Variants in NCK2 observed in about 807,000 individuals in gnomAD.
NCK2 encodes NCK adaptor protein 2.
Under a neutral mutation model 33.9 loss-of-function variants are expected in NCK2, and 16 were observed. That is an observed-to-expected ratio of 0.47 (90% confidence interval 0.32 to 0.72). The LOEUF is 0.72. NCK2 is among the 30% of genes least tolerant of loss of function. The pLI, the probability that NCK2 is intolerant of heterozygous loss-of-function variation, is 0.03. For missense variants in NCK2, 418 were observed against 537.3 expected (o/e 0.78, Z 2.19); for synonymous variants, 273 against 239.9 (o/e 1.14, Z -1.27).
At chr2:105,774,897 C>G (rs1490241109) in intron 1 of NCK2, among the ~76,000 whole-genome samples, 1 of 150,160 alleles carries the variant, frequency 6.7e-6, no homozygotes. Flanking sequence ...AAAACGCTTT[C>G]TAAAATCATT....
intron 2 of NCK2, among the ~76,000 whole-genome samples, chr2:105,839,113 CAG>C (rs1175540789): frequency 2.6e-5 from 4 of 152,034 alleles, no homozygotes; most frequent in African/African-American, 9.7e-5. Context: ...AACAAAGTAA[CAG>C]AACAAAGAGT....
intron 4 of NCK2, among the ~76,000 whole-genome samples, chr2:105,886,483 A>G (rs1233339330): frequency 1.3e-5 from 2 of 152,222 alleles, no homozygotes; most frequent in Admixed American, 1.3e-4. Context: ...AGGGCTCTGC[A>G]ACCTTGGTTT....
rs1448162482 is a variant in NCK2, at chr2:105,881,932, C to T, written c.831C>T (p.Ser277=). Residue 277 remains serine, a synonymous_variant, in exon 4 of 5, where the codon AGC becomes AGT. Coordinates refer to ENST00000233154, the MANE Select transcript of NCK2 (RefSeq NM_003581.5). The part of the protein sequence containing the change: ...PQISYTGPSS[S]GRFAGREWYY... ...TAAGCTACACCGGGCCCTCGTCCAG[C>T]GGGCGCTTCGCGGGCAGAGAGTGGT... is the stretch of plus-strand genomic sequence containing the variant. The T allele has an allele frequency of 1.3e-6, 2 of 1,560,236 alleles. No individual in the cohort carries two copies. The highest frequency in any genetic ancestry group is 1.7e-6 in the Non-Finnish European group (2 of 1,154,188).
chr2:105,817,440 A>G (rs1262841528), intron 2 of NCK2, among the ~76,000 whole-genome samples: 2 of 152,196 alleles, frequency 1.3e-5, no homozygotes, highest in African/African-American at 2.4e-5. Flanking sequence ...AGTCCAGTTA[A>G]TCCGGTGTTC....
intron 1 of NCK2, among the ~76,000 whole-genome samples, chr2:105,792,023 T>C (rs1456958356): frequency 6.6e-6 from 1 of 152,096 alleles, no homozygotes; most frequent in African/African-American, 2.4e-5. Flanking sequence ...AAGCTGTTGA[T>C]TGTGTTGTGG....
chr2:105,807,355 A>G (rs1230466688), intron 1 of NCK2, among the ~76,000 whole-genome samples: 2 of 152,232 alleles, frequency 1.3e-5, no homozygotes, highest in African/African-American at 2.4e-5. Flanking sequence ...TTCTGATTTG[A>G]TTAATTCTGG....
At chr2:105,771,001 C>T (rs982229179) in intron 1 of NCK2, among the ~76,000 whole-genome samples, 6 of 152,130 alleles carry the variant, frequency 3.9e-5, no homozygotes, top group African/African-American at 1.2e-4. Context: ...CAGCTCACTG[C>T]AAGCTCTGCC....
chr2:105,756,776 A>G (rs899097030), intron 1 of NCK2, among the ~76,000 whole-genome samples: 6 of 152,290 alleles, frequency 3.9e-5, no homozygotes, highest in Middle Eastern at 3.4e-3. Flanking sequence ...TTCCATTACA[A>G]TGGGAGCTGG....
intron 2 of NCK2, among the ~76,000 whole-genome samples, chr2:105,828,312 T>C (rs899560741): frequency 1.3e-5 from 2 of 152,214 alleles, no homozygotes; most frequent in African/African-American, 4.8e-5. Context: ...CCCTGTTCCC[T>C]GCTTTGGAAC....
At chr2:105,802,094 G>C (rs894341369) in intron 1 of NCK2, among the ~76,000 whole-genome samples, 1 of 152,208 alleles carries the variant, frequency 6.6e-6, no homozygotes, top group African/African-American at 2.4e-5. Flanking sequence ...CTGGAAACCT[G>C]CTTATCAGAT....
intron 1 of NCK2, among the ~76,000 whole-genome samples, chr2:105,786,761 C>T (rs537700267): frequency 2.3e-4 from 35 of 152,192 alleles, no homozygotes; most frequent in Non-Finnish European, 4.6e-4. Context: ...CTACTCTCTC[C>T]TCCCTTCTGC....
At chr2:105,826,445 T>C (rs1401718646) in intron 2 of NCK2, among the ~76,000 whole-genome samples, 1 of 152,112 alleles carries the variant, frequency 6.6e-6, no homozygotes, top group Non-Finnish European at 1.5e-5. Context: ...GTAGTTTGCT[T>C]GTAGTGTGGA....
chr2:105,758,413 G>GTTTTT (rs574939583), intron 1 of NCK2, among the ~76,000 whole-genome samples: 2 of 132,530 alleles, frequency 1.5e-5, no homozygotes, highest in Non-Finnish European at 3.2e-5. Context: ...TGTTGTTTTT[G>GTTTTT]TTTTTTTTTT....
intron 3 of NCK2, among the ~76,000 whole-genome samples, chr2:105,880,755 T>A (rs1247817945): frequency 6.6e-6 from 1 of 152,156 alleles, no homozygotes. Context: ...ACTCTTGTTA[T>A]CTTTTGTGTC....
intron 1 of NCK2, among the ~76,000 whole-genome samples, chr2:105,787,469 G>A (rs2104416686): frequency 6.6e-6 from 1 of 152,296 alleles, no homozygotes; most frequent in Admixed American, 6.5e-5. Context: ...TGCCACCTGA[G>A]GACATAGCGA....
intron 2 of NCK2, among the ~76,000 whole-genome samples, chr2:105,842,095 T>C (rs1020126906): frequency 1.3e-5 from 2 of 150,012 alleles, no homozygotes; most frequent in African/African-American, 2.4e-5. Context: ...GTTTTTTTCT[T>C]TTTTTTTTTG....
chr2:105,880,936 A>ATTTTTTTTTTTTTTTTTTTTTTT (rs59005322), intron 3 of NCK2, among the ~76,000 whole-genome samples: 3 of 103,542 alleles, frequency 2.9e-5, no homozygotes, highest in Admixed American at 1.2e-4. Context: ...CAGGTGGCTA[A>ATTTTTTTTTTTTTTTTTTTTTTT]TTTTTTTTTT....
chr2:105,854,321 G>A (rs1004824339), intron 2 of NCK2, among the ~76,000 whole-genome samples: 18 of 152,226 alleles, frequency 1.2e-4, no homozygotes, highest in South Asian at 1.0e-3. Flanking sequence ...TGCTACAGAC[G>A]TCTCTGCACA....
At chr2:105,777,914 G>T (rs1158945932) in intron 1 of NCK2, among the ~76,000 whole-genome samples, 1 of 152,176 alleles carries the variant, frequency 6.6e-6, no homozygotes, top group African/African-American at 2.4e-5. Context: ...CAGCACCTTG[G>T]TTTCGCCTAG....
Sources: gnomAD v4.1 joint callset for allele counts (sites outside exome capture counted in the v4.1 genomes callset) on GRCh38, gnomAD v4.1.1 for gene constraint, MANE v1.5 for transcripts, NCBI Gene and HGNC (gene_info 2026-07-23, HGNC 2026-07-21) for gene names.